The following OTUD7A variants were observed in gnomAD, a reference collection of about 807,000 sequenced individuals.
The protein encoded by OTUD7A is OTU deubiquitinase 7A, also known as OTU domain-containing protein 7A.
In OTUD7A, 12 loss-of-function variants were observed where a neutral mutation model predicts 65.7. That is an observed-to-expected ratio of 0.18 (90% confidence interval 0.12 to 0.30). The LOEUF (loss-of-function observed/expected upper bound fraction) is 0.30, where lower values mean the gene tolerates loss of function less well. Ranked by LOEUF, OTUD7A falls within the 10% of genes least tolerant of loss-of-function variation. The probability of loss-of-function intolerance (pLI) is 1.00; values close to 1 mark genes in which losing one functional copy is unlikely to be tolerated. For missense variants in OTUD7A, 1,148 were observed against 1,304.8 expected (o/e 0.88, Z 1.85); for synonymous variants, 641 against 586.3 (o/e 1.09, Z -1.35).
At chr15:31,733,503 T>C (rs1894104655) in intron 1 of OTUD7A, among the ~76,000 whole-genome samples, 1 of 152,180 alleles carries the variant, frequency 6.6e-6, no homozygotes, top group African/African-American at 2.4e-5. Context: ...AGAGTTCAAC[T>C]TAAACGCTTT....
chr15:31,769,125 T>A (rs557681620), intron 1 of OTUD7A, among the ~76,000 whole-genome samples: 12 of 152,326 alleles, frequency 7.9e-5, no homozygotes, highest in Admixed American at 3.3e-4. Context: ...AAATCCACTT[T>A]AAGTTCAACA....
chr15:31,583,528 T>C (rs1205145239), intron 3 of OTUD7A, among the ~76,000 whole-genome samples: 2 of 151,900 alleles, frequency 1.3e-5, no homozygotes, highest in Admixed American at 1.3e-4. Flanking sequence ...ATGGGGGTGG[T>C]TTCCCCCATA....
chr15:31,797,008 A>G (rs748772604), intron 1 of OTUD7A, among the ~76,000 whole-genome samples: 4 of 152,230 alleles, frequency 2.6e-5, no homozygotes, highest in Non-Finnish European at 4.4e-5. Context: ...TGCTGGGATT[A>G]CAGGCGTGAG....
At chr15:31,553,260 CCTT>C (rs1888383785) in intron 5 of OTUD7A, among the ~76,000 whole-genome samples, 2 of 152,270 alleles carry the variant, frequency 1.3e-5, no homozygotes, top group South Asian at 2.1e-4. Context: ...TCTGCTGGCT[CCTT>C]CTTCTGTTCC....
Position 31,753,684 on chromosome 15 carries a change from GAGATATATATATATATATTAT to G in OTUD7A, c.-99-96628_-99-96608del, listed in dbSNP as rs1209979044. On this transcript the variant is annotated intron_variant, in intron 1 of 12. Transcript: ENST00000307050. ...CATCATATATATATATATAACCTGT[GAGATATATATATATATATTAT>G]ATATATATATATATATTATATATAT... 1.1e-3 allele frequency among the ~76,000 whole-genome samples: 67 copies of G among 61,076 alleles called. 3 individuals carry two copies. The Middle Eastern group carries it at 0.025, about 23-fold the overall frequency. 40.1% of individuals were successfully genotyped at this position (61,076 alleles called of 152,430 possible).
At chr15:31,806,948 C>T (rs903644298) in intron 1 of OTUD7A, among the ~76,000 whole-genome samples, 3 of 152,188 alleles carry the variant, frequency 2.0e-5, no homozygotes, top group East Asian at 1.9e-4. Flanking sequence ...CATCACCTGA[C>T]GTCCTGGGGA....
chr15:31,653,384 A>G (rs1324563400), intron 3 of OTUD7A, among the ~76,000 whole-genome samples: 1 of 152,216 alleles, frequency 6.6e-6, no homozygotes, highest in East Asian at 1.9e-4. Context: ...TGGACAGATG[A>G]GTGGAGAAAT....
chr15:31,627,465 C>T (rs1312830641), intron 3 of OTUD7A, among the ~76,000 whole-genome samples: 2 of 151,918 alleles, frequency 1.3e-5, no homozygotes, highest in Non-Finnish European at 2.9e-5. Context: ...GTATATGTAC[C>T]ACATTTTCTT....
intron 8 of OTUD7A, among the ~76,000 whole-genome samples, chr15:31,516,009 T>C (rs1298531109): frequency 1.3e-5 from 2 of 151,716 alleles, no homozygotes; most frequent in African/African-American, 2.4e-5. Context: ...AATTCTTCCA[T>C]TCAACCATCT....
chr15:31,627,662 C>T (rs1247263451), intron 3 of OTUD7A, among the ~76,000 whole-genome samples: 6 of 152,112 alleles, frequency 3.9e-5, no homozygotes, highest in African/African-American at 1.4e-4. Flanking sequence ...TGAGGAATCG[C>T]CACACTGACT....
At chr15:31,561,408 G>A (rs891745845) in intron 4 of OTUD7A, among the ~76,000 whole-genome samples, 1 of 152,198 alleles carries the variant, frequency 6.6e-6, no homozygotes, top group Admixed American at 6.5e-5. Context: ...CTGATGGAGA[G>A]GGACATCAGG....
chr15:31,766,774 T>G, intron 1 of OTUD7A: 1 of 1,613,004 alleles, frequency 6.2e-7, no homozygotes, highest in South Asian at 1.1e-5. Context: ...TTCCTCTGAA[T>G]GAAGATTCAA....
At chr15:31,604,608 A>G (rs1566940015) in intron 3 of OTUD7A, among the ~76,000 whole-genome samples, 1 of 152,248 alleles carries the variant, frequency 6.6e-6, no homozygotes, top group Non-Finnish European at 1.5e-5. Context: ...ATAACAAAAA[A>G]AGAAAGAAAA....
chr15:31,654,747 C>T (rs1315698660), intron 3 of OTUD7A, among the ~76,000 whole-genome samples: 2 of 152,174 alleles, frequency 1.3e-5, no homozygotes, highest in East Asian at 3.8e-4. Context: ...AGGATGAAGG[C>T]TGTCTTCTTG....
chr15:31,739,210 T>G (rs983800881), intron 1 of OTUD7A, among the ~76,000 whole-genome samples: 1 of 152,186 alleles, frequency 6.6e-6, no homozygotes, highest in Non-Finnish European at 1.5e-5. Context: ...TTGGAGCCAG[T>G]GTAGGGACCC....
At position 31,484,341 on chromosome 15, in the gene OTUD7A, C is replaced by G; in HGVS notation, c.1755G>C (p.Ser585=). The change falls in exon 13 of 13, where the codon TCG becomes TCC. Residue 585 remains serine (S), a synonymous_variant. Coordinates refer to ENST00000307050, the MANE Select transcript of OTUD7A (RefSeq NM_001382637.1). This position sits in a 1 kb window ranked among gnomAD's most constrained non-coding sequence, Gnocchi z 4.5. ...RKGSKEESGA[S]ASTSPSEKTT... The stretch of plus-strand genomic sequence containing the variant: ...TCTTTTCCGACGGCGACGTGCTGGC[C>G]GACGCACCAGACTCCTCCTTGCTGC... 7 of 1,600,446 alleles carry G rather than the reference C, an allele frequency of 4.4e-6. No homozygotes were observed. The highest frequency in any genetic ancestry group is 5.9e-6 in the Non-Finnish European group (7 of 1,179,262).
Position 31,526,336 on chromosome 15 carries a change from G to T in OTUD7A, c.893+13C>A. 6.3e-7 allele frequency: 1 copy of T among 1,577,288 alleles called. No individual in the cohort carries two copies. On this transcript the variant is annotated intron_variant, in intron 8 of 12. Coordinates refer to ENST00000307050, the MANE Select transcript of OTUD7A (RefSeq NM_001382637.1). ...TGGAGGTGACTTCTGGGGAGAGCAG[G>T]GGCAGCACTTACCCCCCGCCCGTGC...
chr15:31,807,446 C>T (rs181154311), intron 1 of OTUD7A, among the ~76,000 whole-genome samples: 36 of 152,236 alleles, frequency 2.4e-4, no homozygotes, highest in African/African-American at 8.2e-4. Context: ...TTATTAAACT[C>T]GTACATGTTA....
At chr15:31,659,145 G>C (rs921339630) in intron 1 of OTUD7A, among the ~76,000 whole-genome samples, 1 of 152,132 alleles carries the variant, frequency 6.6e-6, no homozygotes, top group African/African-American at 2.4e-5. Flanking sequence ...TATATTTGTA[G>C]ATGTTATAAC....
Sources: gnomAD v4.1 joint callset for allele counts (sites outside exome capture counted in the v4.1 genomes callset) on GRCh38, gnomAD v4.1.1 for gene constraint, Gnocchi (gnomAD v3.1) non-coding constraint, MANE v1.5 for transcripts, NCBI Gene and HGNC (gene_info 2026-07-23, HGNC 2026-07-21) for gene names.